TNFSF13B: variants seen among roughly 807,000 people sequenced by gnomAD.
TNFSF13B encodes TNF superfamily member 13b, also known as tumor necrosis factor ligand superfamily member 13B.
In TNFSF13B, 8 loss-of-function variants were observed where a neutral mutation model predicts 29.1. The observed-to-expected ratio is 0.27, with a 90% CI of 0.16 to 0.50. The LOEUF is 0.50. Among genes scored for constraint, TNFSF13B ranks in the 20% least tolerant of loss-of-function variants. The probability of loss-of-function intolerance (pLI) is 0.98; values close to 1 mark genes in which losing one functional copy is unlikely to be tolerated. For missense variants in TNFSF13B, 248 were observed against 334.9 expected, an observed-to-expected ratio of 0.74 and a Z score of 2.03; for synonymous variants, 125 against 130.8, an observed-to-expected ratio of 0.96 and a Z score of 0.30.
intron 3 of TNFSF13B, among the ~76,000 whole-genome samples, chr13:108,296,233 T>A (rs974105083): frequency 2.7e-5 from 4 of 145,890 alleles, no homozygotes; most frequent in African/African-American, 1.0e-4. Context: ...CTATTTCTCC[T>A]TTCGGTTCAG....
chr13:108,290,104 TTATAG>T (rs1881262710), intron 3 of TNFSF13B, among the ~76,000 whole-genome samples: 1 of 152,164 alleles, frequency 6.6e-6, no homozygotes. Flanking sequence ...CCCTCCTTTC[TTATAG>T]TAAACACTTA....
chr13:108,277,358 A>T (rs1199183071), intron 2 of TNFSF13B, among the ~76,000 whole-genome samples: 2 of 152,204 alleles, frequency 1.3e-5, no homozygotes, highest in Non-Finnish European at 2.9e-5. Flanking sequence ...TGATGACTTC[A>T]ATCTATTTTC....
chr13:108,294,263 T>A (rs1240017982), intron 3 of TNFSF13B, among the ~76,000 whole-genome samples: 2 of 151,504 alleles, frequency 1.3e-5, no homozygotes, highest in African/African-American at 4.9e-5. Context: ...CACAGCAACA[T>A]CTGCCTCCTG....
chr13:108,280,279 C>A (rs1451450274), intron 2 of TNFSF13B, among the ~76,000 whole-genome samples: 1 of 152,104 alleles, frequency 6.6e-6, no homozygotes, highest in African/African-American at 2.4e-5. Context: ...TTGGGCAACT[C>A]AGAGGATAGT....
chr13:108,278,582 TCCTCCTCCCCTTCTCTTC>T, intron 2 of TNFSF13B, among the ~76,000 whole-genome samples: 1 of 143,524 alleles, frequency 7.0e-6, no homozygotes, highest in Non-Finnish European at 1.5e-5. Context: ...CCTCCTCTCC[TCCTCCTCCCCTTCTCTTC>T]CTCCTCCTCC....
chr13:108,278,204 A>G (rs528921280), intron 2 of TNFSF13B, among the ~76,000 whole-genome samples: 2 of 152,156 alleles, frequency 1.3e-5, no homozygotes, highest in Non-Finnish European at 2.9e-5. Flanking sequence ...GAGAAAAAAT[A>G]TTGGGTCTGA....
intron 3 of TNFSF13B, among the ~76,000 whole-genome samples, chr13:108,300,436 A>G (rs1881585264): frequency 6.6e-6 from 1 of 152,150 alleles, no homozygotes; most frequent in African/African-American, 2.4e-5. Flanking sequence ...TCCAAGCATC[A>G]AATGAATATC....
In TNFSF13B at chr13:108,307,344, G is replaced by C. The variant is rs529461431; in HGVS notation, c.*406G>C. On this transcript the variant is annotated 3_prime_UTR_variant, in exon 6 of 6. Transcript: ENST00000375887. ...AGTGCCCACATCTCTAGGACATTAA[G>C]ACATTTATGAGAAATCTCAGGATTC... The C allele has an allele frequency of 6.5e-6, 1 of 153,648 alleles. No individual in the cohort carries two copies. Among genetic ancestry groups the C allele is most frequent in the East Asian group, 1.9e-4 (1 of 5,212 alleles). 9.5% of individuals were successfully genotyped at this position (153,648 alleles called of 1,614,324 possible). A position where few individuals can be genotyped will look rare whatever the true frequency, so the allele number is the denominator to read the frequency against.
rs1331073517 is a variant in TNFSF13B, at chr13:108,296,214, T to C, written c.482-7039T>C. On this transcript the variant is annotated intron_variant, in intron 3 of 5. Coordinates refer to ENST00000375887, the MANE Select transcript of TNFSF13B (RefSeq NM_006573.5). ...ATACTGAAATCTTCAGCTGTTACTA[T>C]AGAAATGTCTATTTCTCCTTTCGGT... Among the ~76,000 whole-genome samples the C allele has an allele frequency of 3.4e-5, 5 of 145,866 alleles. 1 individual carries two copies. The highest frequency in any genetic ancestry group is 5.1e-5 in the African/African-American group (2 of 38,872).
intron 2 of TNFSF13B, among the ~76,000 whole-genome samples, chr13:108,284,615 A>C (rs1272464415): frequency 6.6e-6 from 1 of 152,160 alleles, no homozygotes; most frequent in East Asian, 1.9e-4. Flanking sequence ...AGTGCTTCCC[A>C]TGCATTGTGT....
intron 3 of TNFSF13B, among the ~76,000 whole-genome samples, chr13:108,301,625 G>A (rs1210710807): frequency 6.6e-6 from 1 of 152,186 alleles, no homozygotes; most frequent in Non-Finnish European, 1.5e-5. Context: ...GAATGGTGTT[G>A]ACCAGTGGCT....
rs1881797208 is a variant in TNFSF13B at position 108,307,035 on chromosome 13, A to G, written c.*97A>G. ...AAATACCAAAAAAAAAAAAAAAAAA[A>G]AAAAAAAAAAAAGTAGTTACCATTG... is the stretch of plus-strand genomic sequence containing the variant. On this transcript the variant is annotated 3_prime_UTR_variant, in exon 6 of 6. Coordinates refer to ENST00000375887, the MANE Select transcript of TNFSF13B (RefSeq NM_006573.5). 1.4e-6 allele frequency: 1 copy of G among 708,704 alleles called. No individual in the cohort carries two copies. The highest frequency in any genetic ancestry group is 2.2e-6 in the Non-Finnish European group (1 of 460,550). The allele number at this position is 708,704 out of a possible 1,614,324, so 43.9% of individuals were successfully genotyped here.
intron 3 of TNFSF13B, among the ~76,000 whole-genome samples, chr13:108,299,804 A>G (rs1881562917): frequency 6.6e-6 from 1 of 152,036 alleles, no homozygotes; most frequent in African/African-American, 2.4e-5. Flanking sequence ...TGGAGGAATA[A>G]AGACAATATA....
chr13:108,290,427 TA>T (rs1881271618), intron 3 of TNFSF13B, among the ~76,000 whole-genome samples: 1 of 152,150 alleles, frequency 6.6e-6, no homozygotes, highest in Non-Finnish European at 1.5e-5. Flanking sequence ...AGTGGTCCTA[TA>T]GGGGTTGTAA....
chr13:108,288,710 G>A (rs536993942), intron 3 of TNFSF13B, among the ~76,000 whole-genome samples: 2 of 152,274 alleles, frequency 1.3e-5, no homozygotes, highest in Admixed American at 6.5e-5. Flanking sequence ...GAAAACAAAC[G>A]AAAGGCCCAA....
At chr13:108,300,357 T>C (rs1415293383) in intron 3 of TNFSF13B, among the ~76,000 whole-genome samples, 1 of 152,164 alleles carries the variant, frequency 6.6e-6, no homozygotes, top group East Asian at 1.9e-4. Context: ...GAACCAAACA[T>C]AAATGGCCCT....
intron 2 of TNFSF13B, among the ~76,000 whole-genome samples, 196 bp from the exon 3 acceptor site, chr13:108,286,607 A>G (rs1246730807): frequency 6.8e-6 from 1 of 147,980 alleles, no homozygotes; most frequent in Non-Finnish European, 1.5e-5. Flanking sequence ...CTGAAATGTC[A>G]TGAATTTCAT....
intron 3 of TNFSF13B, among the ~76,000 whole-genome samples, chr13:108,293,414 T>C (rs1881381676): frequency 6.6e-6 from 1 of 152,212 alleles, no homozygotes; most frequent in Non-Finnish European, 1.5e-5. Context: ...TGATACTCTT[T>C]TGCAATAACA....
intron 2 of TNFSF13B, among the ~76,000 whole-genome samples, chr13:108,278,436 G>T (rs1383913591): frequency 6.6e-6 from 1 of 151,760 alleles, no homozygotes; most frequent in Non-Finnish European, 1.5e-5. Flanking sequence ...TCAAGAAAAG[G>T]CCTTGTTTTA....
Sources: gnomAD v4.1 joint callset for allele counts (sites outside exome capture counted in the v4.1 genomes callset) on GRCh38, gnomAD v4.1.1 for gene constraint, MANE v1.5 for transcripts, NCBI Gene and HGNC (gene_info 2026-07-23, HGNC 2026-07-21) for gene names.